Variants in GREB1L observed in about 807,000 individuals in gnomAD.
GREB1L encodes GREB1-like protein.
A neutral mutation model predicts 200.8 loss-of-function variants in GREB1L; 17 were observed. The ratio of observed to expected loss-of-function variants is 0.08; its 90% CI spans 0.06 to 0.13. GREB1L has a LOEUF of 0.13. Ranked by LOEUF, GREB1L falls within the 10% of genes least tolerant of loss-of-function variation. The pLI, the probability that GREB1L is intolerant of heterozygous loss-of-function variation, is 1.00. For synonymous variants in GREB1L, 789 were observed against 893.0 expected, an observed-to-expected ratio of 0.88 and a Z score of 2.08; for missense variants, 1,657 against 2,367.7, an observed-to-expected ratio of 0.70 and a Z score of 6.23.
At chr18:21,460,732 C>T (rs1230382686) in intron 15 of GREB1L, among the ~76,000 whole-genome samples, 1 of 152,120 alleles carries the variant, frequency 6.6e-6, no homozygotes, top group African/African-American at 2.4e-5. Flanking sequence ...CTTCATCCCT[C>T]ATCCTTCTCT....
In GREB1L at chr18:21,505,444, G is replaced by A; in HGVS notation, c.4105G>A (p.Glu1369Lys). 6.4e-7 allele frequency: 1 copy of A among 1,551,576 alleles called. No individual in the cohort carries two copies. The highest frequency in any genetic ancestry group is 8.7e-7 in the Non-Finnish European group (1 of 1,146,998). Reference protein sequence around the residue: ...HNESSEVSQSEGEPWPDIESF... With the variant: ...HNESSEVSQSKGEPWPDIESF... ...TGAAAGCAGTGAAGTGAGCCAGTCAGAGGGAGAGCCCTGGCCTGACATCGA... is the reference window on the plus strand; with the variant it reads ...TGAAAGCAGTGAAGTGAGCCAGTCAAAGGGAGAGCCCTGGCCTGACATCGA... The change falls in exon 24 of 33, where the codon GAG (glutamate) becomes AAG (lysine). Residue 1369 changes from glutamate (E) to lysine (K), a missense_variant. Glu to Lys is a moderately conservative substitution (Grantham distance 56, BLOSUM62 1). This residue lies in a region of GREB1L where 512 missense variants were observed against 668.3 expected (regional missense o/e 0.77). Coordinates refer to ENST00000424526, the MANE Select transcript of GREB1L (RefSeq NM_001142966.3).
intron 1 of GREB1L, among the ~76,000 whole-genome samples, chr18:21,348,332 A>C (rs2143209988): frequency 6.6e-6 from 1 of 152,094 alleles, no homozygotes; most frequent in South Asian, 2.1e-4. Context: ...GGCAGTCACC[A>C]GGTAATCTCA....
chr18:21,515,067 A>G (rs183572495), intron 28 of GREB1L, among the ~76,000 whole-genome samples: 37 of 152,314 alleles, frequency 2.4e-4, no homozygotes, highest in Admixed American at 2.6e-4. Context: ...GAAATTTTCA[A>G]ATATTCCTTA....
rs2036727318 is a variant in GREB1L, at chr18:21,500,231, T to C, written c.3894T>C (p.Tyr1298=). The C allele has an allele frequency of 2.6e-6, 4 of 1,529,774 alleles. No individual in the cohort carries two copies. The highest frequency in any genetic ancestry group is 3.5e-6 in the Non-Finnish European group (4 of 1,134,510). 94.8% of individuals were successfully genotyped at this position (1,529,774 alleles called of 1,614,324 possible). ...TGGCCCGGCAGCACCACGCTGACTA[T>C]AGCAACCAGCTGGACCCGGCCTCTG... is the stretch of plus-strand genomic sequence containing the variant. ...WTLARQHHAD[Y]SNQLDPASGT... is the part of the protein sequence containing the mutation. Residue 1298 remains tyrosine, a synonymous_variant, in exon 22 of 33, where the codon TAT becomes TAC. Coordinates refer to ENST00000424526, the MANE Select transcript of GREB1L (RefSeq NM_001142966.3).
chr18:21,424,206 T>C (rs2032385009), intron 7 of GREB1L, among the ~76,000 whole-genome samples: 1 of 152,220 alleles, frequency 6.6e-6, no homozygotes, highest in South Asian at 2.1e-4. Context: ...ATGCATAGTG[T>C]AATTATTGTG....
intron 1 of GREB1L, among the ~76,000 whole-genome samples, chr18:21,355,159 A>G (rs2039485134): frequency 6.6e-6 from 1 of 151,310 alleles, no homozygotes; most frequent in Admixed American, 6.6e-5. Context: ...AGTATCCTCT[A>G]TGACCTTTGG....
chr18:21,385,296 A>G (rs1370783993), intron 4 of GREB1L, among the ~76,000 whole-genome samples: 1 of 152,170 alleles, frequency 6.6e-6, no homozygotes, highest in Non-Finnish European at 1.5e-5. Flanking sequence ...TTAAAGTGCA[A>G]AGAATTAGAG....
At chr18:21,291,704 C>T (rs1409681220) in intron 1 of GREB1L, among the ~76,000 whole-genome samples, 4 of 152,134 alleles carry the variant, frequency 2.6e-5, no homozygotes, top group African/African-American at 4.8e-5. Context: ...GGTGGTTCCC[C>T]AAGACTTCCT....
chr18:21,304,246 T>C (rs1439321077), intron 1 of GREB1L, among the ~76,000 whole-genome samples: 1 of 151,508 alleles, frequency 6.6e-6, no homozygotes, highest in Non-Finnish European at 1.5e-5. Context: ...ATTATTATTA[T>C]TATTATTTCC....
chr18:21,474,355 A>G (rs2035601392), intron 16 of GREB1L, among the ~76,000 whole-genome samples: 1 of 152,160 alleles, frequency 6.6e-6, no homozygotes, highest in Non-Finnish European at 1.5e-5. Flanking sequence ...TGGCTAAAAC[A>G]AAGAGGCTAC....
intron 4 of GREB1L, among the ~76,000 whole-genome samples, chr18:21,393,492 T>C (rs1289921004): frequency 6.6e-6 from 1 of 152,146 alleles, no homozygotes; most frequent in Non-Finnish European, 1.5e-5. Context: ...TGTTTGTTTT[T>C]TGAGACAGAG....
At chr18:21,446,440 AAAAAGAAAAG>A (rs562711653) in intron 11 of GREB1L, among the ~76,000 whole-genome samples, 1 of 152,250 alleles carries the variant, frequency 6.6e-6, no homozygotes, top group Non-Finnish European at 1.5e-5. Flanking sequence ...TTTTGTAAAG[AAAAAGAAAAG>A]AAAAGAAAAA....
intron 1 of GREB1L, among the ~76,000 whole-genome samples, chr18:21,361,809 T>A: frequency 6.6e-6 from 1 of 152,210 alleles, no homozygotes; most frequent in East Asian, 1.9e-4. Context: ...TTGATTCTAT[T>A]GTGTTTTAAA....
chr18:21,325,913 C>G (rs1042763387), intron 1 of GREB1L, among the ~76,000 whole-genome samples: 1 of 151,370 alleles, frequency 6.6e-6, no homozygotes, highest in African/African-American at 2.4e-5. Flanking sequence ...GACAAATTCC[C>G]TAGCCTAATT....
At chr18:21,412,985 T>C (rs898555530) in intron 7 of GREB1L, among the ~76,000 whole-genome samples, 1 of 152,194 alleles carries the variant, frequency 6.6e-6, no homozygotes. Context: ...ATGTGGTGAT[T>C]GTACAGTGGG....
At chr18:21,364,338 A>G (rs2039627050) in intron 1 of GREB1L, among the ~76,000 whole-genome samples, 1 of 152,178 alleles carries the variant, frequency 6.6e-6, no homozygotes, top group Non-Finnish European at 1.5e-5. Flanking sequence ...GGAGATTTGT[A>G]TTGTATTTAG....
intron 6 of GREB1L, among the ~76,000 whole-genome samples, chr18:21,403,647 G>T (rs377536048): frequency 6.6e-6 from 1 of 152,142 alleles, no homozygotes; most frequent in Non-Finnish European, 1.5e-5. Context: ...AGGGAACAAA[G>T]GTCCAATTTC....
intron 1 of GREB1L, among the ~76,000 whole-genome samples, chr18:21,359,876 A>C: frequency 6.6e-6 from 1 of 152,188 alleles, no homozygotes; most frequent in East Asian, 1.9e-4. Context: ...ATGCCAGTTT[A>C]GATATTTGTG....
intron 9 of GREB1L, among the ~76,000 whole-genome samples, chr18:21,440,774 T>C (rs564026375): frequency 1.5e-3 from 229 of 152,326 alleles, no homozygotes; most frequent in African/African-American, 5.4e-3. Flanking sequence ...GCTAGAAACC[T>C]GAAAAACCAA....
Sources: allele counts gnomAD v4.1 joint callset (sites outside exome capture counted in the v4.1 genomes callset), GRCh38; gene constraint gnomAD v4.1.1; regional missense constraint gnomAD v4.1.1; transcripts MANE v1.5; gene names NCBI Gene and HGNC (gene_info 2026-07-23, HGNC 2026-07-21).